Variants in RBFOX1 observed in about 807,000 individuals in gnomAD.
RBFOX1 encodes the protein RNA binding protein fox-1 homolog 1.
RBFOX1 carries 8 observed loss-of-function variants against 57.7 expected under a neutral mutation model. The observed-to-expected ratio is 0.14, with a 90% CI of 0.08 to 0.25. The LOEUF (loss-of-function observed/expected upper bound fraction) is 0.25, where lower values mean the gene tolerates loss of function less well. Among genes scored for constraint, RBFOX1 ranks in the 10% least tolerant of loss-of-function variants. RBFOX1 has a pLI of 1.00. For missense variants in RBFOX1, 611 were observed against 548.5 expected (o/e 1.11, Z -1.14); for synonymous variants, 326 against 222.4 (o/e 1.47, Z -4.15).
At chr16:7,110,307 A>G (rs1041847952) in intron 4 of RBFOX1, among the ~76,000 whole-genome samples, 14 of 152,068 alleles carry the variant, frequency 9.2e-5, no homozygotes, top group Non-Finnish European at 8.8e-5. Context: ...GCTGTGGTGA[A>G]CTATGATCAT....
chr16:7,450,545 T>TA (rs2098843974), intron 4 of RBFOX1, among the ~76,000 whole-genome samples: 2 of 152,048 alleles, frequency 1.3e-5, no homozygotes, highest in Non-Finnish European at 2.9e-5. Flanking sequence ...CAGATGAAGA[T>TA]ACTATGGCCC....
At chr16:7,567,512 C>A in intron 5 of RBFOX1, among the ~76,000 whole-genome samples, 1 of 108,136 alleles carries the variant, frequency 9.2e-6, no homozygotes, top group Admixed American at 1.0e-4. Context: ...TATGTATGGC[C>A]CTATATATAT....
chr16:7,494,058 TG>T (rs575410642), intron 4 of RBFOX1, among the ~76,000 whole-genome samples: 168 of 152,150 alleles, frequency 1.1e-3, no homozygotes, highest in Non-Finnish European at 1.6e-3. Flanking sequence ...TCTCCGAGAG[TG>T]GTTATGGAGG....
chr16:7,567,084 T>TGTATATATATCCCTATATATTTATATCC (rs1427716551), intron 5 of RBFOX1, among the ~76,000 whole-genome samples: 1 of 135,830 alleles, frequency 7.4e-6, no homozygotes, highest in Non-Finnish European at 1.6e-5. Context: ...AAGCTGGATA[T>TGTATATATATCCCTATATATTTATATCC]ATATATATCT....
intron 1 of RBFOX1, among the ~76,000 whole-genome samples, chr16:5,264,706 A>G (rs2062815950): frequency 6.6e-6 from 1 of 152,164 alleles, no homozygotes; most frequent in African/African-American, 2.4e-5. Context: ...AGTACTGGCC[A>G]GTAGGCTGGG....
intron 4 of RBFOX1, among the ~76,000 whole-genome samples, chr16:7,346,808 C>T (rs146251447): frequency 2.0e-5 from 3 of 152,112 alleles, no homozygotes; most frequent in African/African-American, 7.2e-5. Flanking sequence ...CTCCACCATT[C>T]TGAATCTCAA....
intron 4 of RBFOX1, among the ~76,000 whole-genome samples, chr16:5,986,085 A>G (rs1447791245): frequency 6.7e-6 from 1 of 148,246 alleles, no homozygotes; most frequent in African/African-American, 2.5e-5. Flanking sequence ...TTTTCCAGAC[A>G]GGGTCTCGCT....
At chr16:7,291,460 T>C (rs761562200) in intron 4 of RBFOX1, among the ~76,000 whole-genome samples, 25 of 152,214 alleles carry the variant, frequency 1.6e-4, no homozygotes, top group South Asian at 6.2e-4. Flanking sequence ...ACAGCCTTAA[T>C]AGTTGGGAGA....
At chr16:5,704,516 A>G (rs1302238352) in intron 3 of RBFOX1, among the ~76,000 whole-genome samples, 1 of 152,212 alleles carries the variant, frequency 6.6e-6, no homozygotes, top group Admixed American at 6.5e-5. Flanking sequence ...ATACTAATAA[A>G]GATTGGTGCA....
In RBFOX1 at chr16:7,504,759, A is replaced by ATATATATTTATATATATATATATT. The variant is rs2072504711; in HGVS notation, c.28-13381_28-13380insTTATATATATATATATTTATATAT. Among the ~76,000 whole-genome samples, 2 of 8,680 alleles carry ATATATATTTATATATATATATATT rather than the reference A, an allele frequency of 2.3e-4. 1 individual carries two copies. The highest frequency in any genetic ancestry group is 9.3e-3 in the South Asian group (2 of 214). 5.7% of individuals were successfully genotyped at this position (8,680 alleles called of 152,430 possible). A position where few individuals can be genotyped will look rare whatever the true frequency, so the allele number is the denominator to read the frequency against. On this transcript the variant is annotated intron_variant, in intron 4 of 15. Coordinates refer to ENST00000550418, the MANE Select transcript of RBFOX1 (RefSeq NM_018723.4). ...TATATATATATATATATATATTTAT[A>ATATATATTTATATATATATATATT]TATATATATATTTATATATATATAT...
At chr16:7,399,071 C>A (rs2098191864) in intron 4 of RBFOX1, among the ~76,000 whole-genome samples, 1 of 152,220 alleles carries the variant, frequency 6.6e-6, no homozygotes, top group South Asian at 2.1e-4. Context: ...TACCTCAAAC[C>A]TCAGCATCAC....
chr16:5,898,809 C>T (rs1404279437), intron 4 of RBFOX1, among the ~76,000 whole-genome samples: 1 of 151,650 alleles, frequency 6.6e-6, no homozygotes, highest in Non-Finnish European at 1.5e-5. Context: ...CCTATAATCC[C>T]AGCACTTTGT....
intron 3 of RBFOX1, among the ~76,000 whole-genome samples, chr16:6,910,138 C>G (rs1408729787): frequency 6.6e-6 from 1 of 151,990 alleles, no homozygotes; most frequent in African/African-American, 2.4e-5. Flanking sequence ...ATTGGGCATT[C>G]TAGCGGGGCT....
At chr16:5,346,853 CAG>C (rs1462011740) in intron 1 of RBFOX1, among the ~76,000 whole-genome samples, 3 of 152,208 alleles carry the variant, frequency 2.0e-5, no homozygotes, top group Non-Finnish European at 4.4e-5. Context: ...AGGATGATAA[CAG>C]CACCTCCCTC....
At chr16:7,592,219 A>G (rs1286816630) in intron 7 of RBFOX1, among the ~76,000 whole-genome samples, 1 of 152,196 alleles carries the variant, frequency 6.6e-6, no homozygotes, top group Non-Finnish European at 1.5e-5. Flanking sequence ...TCGCAGAAAA[A>G]CAATGAGAAT....
intron 3 of RBFOX1, among the ~76,000 whole-genome samples, chr16:6,985,615 G>T (rs2090063728): frequency 2.0e-5 from 3 of 152,122 alleles, no homozygotes; most frequent in South Asian, 2.1e-4. Flanking sequence ...ATCATTTGAG[G>T]TCAGGAGTTA....
intron 4 of RBFOX1, among the ~76,000 whole-genome samples, chr16:7,300,616 A>T (rs897808698): frequency 4.0e-5 from 6 of 151,664 alleles, no homozygotes; most frequent in Non-Finnish European, 7.4e-5. Context: ...TATAGAAAGT[A>T]TTTTTTTTAG....
chr16:6,385,613 G>T (rs1325575540), intron 2 of RBFOX1, among the ~76,000 whole-genome samples: 2 of 152,234 alleles, frequency 1.3e-5, no homozygotes, highest in Non-Finnish European at 2.9e-5. Flanking sequence ...ACCTGCCTCG[G>T]CCTCCCGATG....
intron 4 of RBFOX1, chr16:7,328,500 A>AAAAAG (rs1555718992): frequency 7.3e-5 from 11 of 149,862 alleles, no homozygotes; most frequent in African/African-American, 2.7e-4. Context: ...AAAAAAAAAA[A>AAAAAG]GAAGACCTGG....
Sources: gnomAD v4.1 joint callset for allele counts (sites outside exome capture counted in the v4.1 genomes callset) on GRCh38, gnomAD v4.1.1 for gene constraint, MANE v1.5 for transcripts, NCBI Gene and HGNC (gene_info 2026-07-23, HGNC 2026-07-21) for gene names.